ANKRD50: variants seen among roughly 807,000 people sequenced by gnomAD.
The protein encoded by ANKRD50 is ankyrin repeat domain-containing protein 50.
A neutral mutation model predicts 112.0 loss-of-function variants in ANKRD50; 40 were observed. The ratio of observed to expected loss-of-function variants is 0.36; its 90% CI spans 0.28 to 0.46. The LOEUF is 0.46. Among genes scored for constraint, ANKRD50 ranks in the 20% least tolerant of loss-of-function variants. The pLI is 1.00. For missense variants in ANKRD50, 1,487 were observed against 1,701.7 expected, an observed-to-expected ratio of 0.87 and a Z score of 2.22; for synonymous variants, 613 against 619.1, an observed-to-expected ratio of 0.99 and a Z score of 0.15.
At chr4:124,700,718 AT>A (rs1725370289) in intron 2 of ANKRD50, among the ~76,000 whole-genome samples, 1 of 152,178 alleles carries the variant, frequency 6.6e-6, no homozygotes, top group Non-Finnish European at 1.5e-5. Flanking sequence ...AGTAACAAGC[AT>A]TTTAGCTTTC....
rs1323130427 is a variant in ANKRD50 at position 124,670,578 on chromosome 4, A to T, written c.2699T>A (p.Leu900Gln). The change falls in exon 4 of 5, where the codon CTG (leucine) becomes CAG (glutamine). Residue 900 changes from leucine to glutamine, a missense_variant. Physicochemically the swap from Leu to Gln is moderately radical, Grantham distance 113 (BLOSUM62 -2). This residue lies in a region of ANKRD50 where 1,046 missense variants were observed against 1,269.5 expected (regional missense o/e 0.82). Coordinates refer to ENST00000504087, the MANE Select transcript of ANKRD50 (RefSeq NM_020337.3). ...TTGATCAATGTTGGATTTGTTTTCC[A>T]GTAATATTTGAACACAATCATAATG... ...EGHYDCVQILLENKSNIDQRG... is the reference protein window; with the variant it reads ...EGHYDCVQILQENKSNIDQRG... The T allele has an allele frequency of 6.2e-7, 1 of 1,612,824 alleles. No individual in the cohort carries two copies. Among genetic ancestry groups the T allele is most frequent in the East Asian group, 2.2e-5 (1 of 44,868 alleles).
chr4:124,672,161 T>C lies in ANKRD50; in HGVS notation c.1116A>G (p.Ala372=), dbSNP rs149828080. The change falls in exon 4 of 5, where the codon GCA becomes GCG. Residue 372 remains alanine (A), a synonymous_variant. Coordinates refer to ENST00000504087, the MANE Select transcript of ANKRD50 (RefSeq NM_020337.3). ...TTAACGACATGTTTTTGGTCCATAC[T>C]GCGTGATATAATTCCGTTATGGTCA... ...RPLTITELYH[A]VWTKNMSLTL... The C allele has an allele frequency of 4.3e-6, 7 of 1,613,804 alleles. No individual in the cohort carries two copies. The highest frequency in any genetic ancestry group is 4.0e-5 in the African/African-American group (3 of 74,890).
chr4:124,686,092 T>C (rs1449193568), intron 2 of ANKRD50, among the ~76,000 whole-genome samples: 2 of 152,224 alleles, frequency 1.3e-5, no homozygotes, highest in Non-Finnish European at 2.9e-5. Context: ...TTTGATACAA[T>C]GAATTTACTT....
intron 2 of ANKRD50, among the ~76,000 whole-genome samples, chr4:124,705,293 A>G (rs1373692667): frequency 6.6e-6 from 1 of 152,244 alleles, no homozygotes; most frequent in Non-Finnish European, 1.5e-5. Flanking sequence ...AACAAGGCAT[A>G]CTGCCTTTCA....
rs1411159127 is a variant in ANKRD50, at chr4:124,710,836, G to A, written c.-325C>T. On this transcript the variant is annotated 5_prime_UTR_variant, in exon 2 of 5. Transcript: ENST00000504087. The stretch of plus-strand genomic sequence containing the variant: ...GTTTATGTGATTGTGGATGTTTCAA[G>A]AACAGAGATGAGACAATACATGTGG... The A allele has an allele frequency of 2.3e-6, 1 of 432,712 alleles. No individual in the cohort carries two copies. The highest frequency in any genetic ancestry group is 4.1e-6 in the Non-Finnish European group (1 of 244,050). 26.8% of individuals were successfully genotyped at this position (432,712 alleles called of 1,614,324 possible).
In ANKRD50 at chr4:124,673,313, T is replaced by C. The variant is rs188296711; in HGVS notation, c.743-779A>G. On this transcript the variant is annotated intron_variant, in intron 3 of 4. Transcript: ENST00000504087. ...TACAGATATGAACTTATTAGACAAT[T>C]GTGTATTCATCTTACAGAACAAAAA... 3.5e-4 allele frequency among the ~76,000 whole-genome samples: 54 copies of C among 152,258 alleles called. No individual in the cohort carries two copies. In the East Asian group the frequency reaches 3.9e-3, roughly 11 times the overall value.
chr4:124,672,051 T>C lies in ANKRD50; in HGVS notation c.1226A>G (p.Tyr409Cys). The change falls in exon 4 of 5, where the codon TAT becomes TGT. Residue 409 changes from tyrosine to cysteine, a missense_variant. This residue lies in a region of ANKRD50 where 1,046 missense variants were observed against 1,269.5 expected (regional missense o/e 0.82). Transcript: ENST00000504087. The stretch of plus-strand genomic sequence containing the variant: ...ATCCAGAAGCCACTCGGCAAAACTA[T>C]AATGAAACAGTATTTTTGTATTTCC... ...GLGNTKILFH[Y>C]SFAEWLLDVK... The C allele has an allele frequency of 1.2e-6, 2 of 1,613,888 alleles. No individual in the cohort carries two copies. Among genetic ancestry groups the C allele is most frequent in the Middle Eastern group, 1.7e-4 (1 of 6,058 alleles).
At chr4:124,676,605 A>C (rs1730780636) in intron 3 of ANKRD50, among the ~76,000 whole-genome samples, 1 of 151,702 alleles carries the variant, frequency 6.6e-6, no homozygotes, top group South Asian at 2.1e-4. Flanking sequence ...ATGATTTTAC[A>C]GATTATTCAA....
At position 124,669,304 on chromosome 4, in the gene ANKRD50, C is replaced by T; in HGVS notation, c.3973G>A (p.Glu1325Lys). 1.2e-6 allele frequency: 2 copies of T among 1,613,808 alleles called. No individual in the cohort carries two copies. The highest frequency in any genetic ancestry group is 1.7e-6 in the Non-Finnish European group (2 of 1,179,830). Residue 1325 changes from glutamate to lysine, a missense_variant, in exon 4 of 5, where the codon GAA becomes AAA. Glu to Lys is a moderately conservative substitution (Grantham distance 56). Transcript: ENST00000504087. Reference sequence around the variant, plus strand: ...GGTATCATAATTTTGCATTGAGATTCTGCTGGCATTTGTTTAGGTGGTGCA... The same window carrying T: ...GGTATCATAATTTTGCATTGAGATTTTGCTGGCATTTGTTTAGGTGGTGCA... ...TAAPPKQMPA[E>K]SQCKIMIPSA... is the part of the protein sequence containing the mutation.
intron 1 of ANKRD50, 51 bp from the exon 2 acceptor site, chr4:124,711,325 A>T (rs995910038): frequency 6.6e-6 from 1 of 152,270 alleles, no homozygotes; most frequent in African/African-American, 2.4e-5. Flanking sequence ...ATATGTTAAA[A>T]ACTTATTAAG....
At chr4:124,678,158 C>A (rs1724772334) in intron 3 of ANKRD50, among the ~76,000 whole-genome samples, 1 of 152,076 alleles carries the variant, frequency 6.6e-6, no homozygotes, top group African/African-American at 2.4e-5. Context: ...ATTAATATCT[C>A]TCCAATTACA....
rs3733472 is a variant in ANKRD50 at position 124,671,285 on chromosome 4, T to G, written c.1992A>C (p.Leu664=). The G allele has an allele frequency of 6.2e-7, 1 of 1,613,794 alleles. No individual in the cohort carries two copies. The highest frequency in any genetic ancestry group is 8.5e-7 in the Non-Finnish European group (1 of 1,179,848). ...CTTTGTTCACTTCAGCGCCATGTTG[T>G]AGCAAATTCAGTACAATATCCTCGT... ...GGHEDIVLNL[L]QHGAEVNKAD... Residue 664 remains leucine (L), a synonymous_variant, in exon 4 of 5, where the codon CTA becomes CTC. Coordinates refer to ENST00000504087, the MANE Select transcript of ANKRD50 (RefSeq NM_020337.3).
chr4:124,707,112 A>T (rs1259254088), intron 2 of ANKRD50, among the ~76,000 whole-genome samples: 3 of 152,082 alleles, frequency 2.0e-5, no homozygotes, highest in Non-Finnish European at 4.4e-5. Flanking sequence ...TTTTGGATTT[A>T]GTTTTTGTCA....
chr4:124,664,587 A>C lies in ANKRD50; in HGVS notation c.*2931T>G, dbSNP rs1216557151. On this transcript the variant is annotated 3_prime_UTR_variant, in exon 5 of 5. Transcript: ENST00000504087. ...ATAAAACTTTTACAATGTGAAATTC[A>C]ATGTACATTTTTGGCTATTTACATA... 2.6e-5 allele frequency: 4 copies of C among 152,424 alleles called. No homozygotes were observed. The highest frequency in any genetic ancestry group is 9.7e-5 in the African/African-American group (4 of 41,430). 9.4% of individuals were successfully genotyped at this position (152,424 alleles called of 1,614,324 possible).
At chr4:124,708,402 G>A (rs1725553195) in intron 2 of ANKRD50, among the ~76,000 whole-genome samples, 1 of 152,036 alleles carries the variant, frequency 6.6e-6, no homozygotes, top group South Asian at 2.1e-4. Flanking sequence ...TTTGCCTTTA[G>A]TTTTATTGGA....
At chr4:124,693,925 T>C (rs2110521410) in intron 2 of ANKRD50, among the ~76,000 whole-genome samples, 1 of 152,296 alleles carries the variant, frequency 6.6e-6, no homozygotes, top group Admixed American at 6.5e-5. Context: ...ATTAACCAAA[T>C]GATTAAAGTC....
chr4:124,669,916 G>A lies in ANKRD50; in HGVS notation c.3361C>T (p.Leu1121=), dbSNP rs143672935. The change falls in exon 4 of 5, where the codon CTA becomes TTA. Residue 1121 remains leucine (L), a synonymous_variant. Transcript: ENST00000504087. The part of the protein sequence containing the change: ...SPVHTMEQKP[L]QSLSSKVQSL... ...TGCACTTTTGAAGACAATGACTGTA[G>A]AGGTTTTTGCTCCATTGTGTGAACA... The A allele has an allele frequency of 6.2e-7, 1 of 1,613,558 alleles. No homozygotes were observed. The highest frequency in any genetic ancestry group is 1.7e-5 in the Admixed American group (1 of 59,926).
At chr4:124,706,651 A>C (rs1213598302) in intron 2 of ANKRD50, among the ~76,000 whole-genome samples, 6 of 152,082 alleles carry the variant, frequency 3.9e-5, no homozygotes. Flanking sequence ...TATAACTATT[A>C]AAATTGTTTC....
rs1453209922 is a variant in ANKRD50, at chr4:124,666,402, CA to C, written c.*1115del. 1.3e-5 allele frequency: 2 copies of C among 152,348 alleles called. No individual in the cohort carries two copies. Among genetic ancestry groups the C allele is most frequent in the Non-Finnish European group, 2.9e-5 (2 of 67,920 alleles). 9.4% of individuals were successfully genotyped at this position (152,348 alleles called of 1,614,324 possible). A position where few individuals can be genotyped will look rare whatever the true frequency, so the allele number is the denominator to read the frequency against. ...AAAAGTACACATGTGCTATGATTGACAGGGGAGTGGTGTCATCTGTGAAGGG... is the reference window on the plus strand; with the variant it reads ...AAAAGTACACATGTGCTATGATTGACGGGGAGTGGTGTCATCTGTGAAGGG... On this transcript the variant is annotated 3_prime_UTR_variant, in exon 5 of 5. Transcript: ENST00000504087.
Sources: allele counts gnomAD v4.1 joint callset (sites outside exome capture counted in the v4.1 genomes callset), GRCh38; gene constraint gnomAD v4.1.1; regional missense constraint gnomAD v4.1.1; transcripts MANE v1.5; gene names NCBI Gene and HGNC (gene_info 2026-07-23, HGNC 2026-07-21).